Variants in EPB41L5 observed in about 807,000 individuals in gnomAD.
EPB41L5 encodes band 4.1-like protein 5.
EPB41L5 carries 55 observed loss-of-function variants against 106.6 expected under a neutral mutation model. The ratio of observed to expected loss-of-function variants is 0.52; its 90% confidence interval spans 0.42 to 0.65. The LOEUF is 0.65. Among genes scored for constraint, EPB41L5 ranks in the 30% least tolerant of loss-of-function variants. The pLI, the probability that EPB41L5 is intolerant of heterozygous loss-of-function variation, is 0.00. For missense variants in EPB41L5, 871 were observed against 882.1 expected (o/e 0.99, Z 0.16); for synonymous variants, 297 against 306.7 (o/e 0.97, Z 0.33).
At position 120,049,459 on chromosome 2, in the gene EPB41L5, G is replaced by A. The variant is rs931880015; in HGVS notation, c.285+7349G>A. ...TTTGATCTTTGTTAGTTTCAAGTCT[G>A]TTTTATCAGAGAGTAGGATTGCAAC... On this transcript the variant is annotated intron_variant, in intron 3 of 24. Transcript: ENST00000263713. 8.5e-5 allele frequency among the ~76,000 whole-genome samples: 13 copies of A among 152,174 alleles called. No individual in the cohort carries two copies. In the East Asian group the frequency reaches 2.5e-3, roughly 29 times the overall value.
intron 16 of EPB41L5, among the ~76,000 whole-genome samples, 186 bp downstream of exon 16, chr2:120,101,000 T>G (rs757816833): frequency 2.3e-4 from 35 of 152,226 alleles, no homozygotes; most frequent in Admixed American, 7.2e-4. Flanking sequence ...ATAAAGGGAG[T>G]GCAGTTGTCT....
intron 10 of EPB41L5, among the ~76,000 whole-genome samples, chr2:120,085,531 C>T (rs1473203030): frequency 6.6e-6 from 1 of 152,200 alleles, no homozygotes; most frequent in Admixed American, 6.5e-5. Context: ...TGGAGGGTGC[C>T]TCCCAGTTAG....
chr2:120,033,673 A>T (rs1314902290), intron 2 of EPB41L5, among the ~76,000 whole-genome samples: 1 of 143,356 alleles, frequency 7.0e-6, no homozygotes. Context: ...ACGCCACTGC[A>T]CTCCAGCCCA....
At chr2:120,109,946 T>G (rs1414523184) in intron 16 of EPB41L5, among the ~76,000 whole-genome samples, 1 of 152,204 alleles carries the variant, frequency 6.6e-6, no homozygotes, top group Non-Finnish European at 1.5e-5. Context: ...GTTCACATAA[T>G]TTATGACAGT....
intron 18 of EPB41L5, among the ~76,000 whole-genome samples, chr2:120,140,133 G>A (rs956302907): frequency 7.2e-5 from 11 of 151,914 alleles, no homozygotes; most frequent in Non-Finnish European, 1.0e-4. Context: ...GGAGATAGAT[G>A]GTTACCAGAT....
At chr2:120,094,041 G>C (rs1376195902) in intron 14 of EPB41L5, among the ~76,000 whole-genome samples, 2 of 152,112 alleles carry the variant, frequency 1.3e-5, no homozygotes, top group African/African-American at 4.8e-5. Flanking sequence ...CAGTACAGCA[G>C]CTTGAGCATG....
intron 24 of EPB41L5, among the ~76,000 whole-genome samples, chr2:120,169,803 A>C (rs1687588932): frequency 6.6e-6 from 1 of 152,242 alleles, no homozygotes; most frequent in African/African-American, 2.4e-5. Context: ...TAAGCATTCT[A>C]GACAGTGTGC....
At chr2:120,027,357 C>T (rs984274249) in intron 2 of EPB41L5, among the ~76,000 whole-genome samples, 21 of 152,058 alleles carry the variant, frequency 1.4e-4, no homozygotes, top group African/African-American at 4.8e-4. Flanking sequence ...GTTATTTAGC[C>T]ATAAAGGAAA....
chr2:120,125,825 CTGAACTT>C, intron 16 of EPB41L5, among the ~76,000 whole-genome samples: 1 of 152,158 alleles, frequency 6.6e-6, no homozygotes, highest in African/African-American at 2.4e-5. Context: ...GTACCACAAA[CTGAACTT>C]TGTCTCAGTA....
intron 16 of EPB41L5, among the ~76,000 whole-genome samples, chr2:120,116,109 C>T (rs751790217): frequency 9.9e-5 from 15 of 152,232 alleles, no homozygotes; most frequent in Non-Finnish European, 1.9e-4. Flanking sequence ...TACTGCCCAG[C>T]CTACAATTAA....
intron 16 of EPB41L5, among the ~76,000 whole-genome samples, chr2:120,125,337 G>A (rs934565809): frequency 1.3e-5 from 2 of 152,078 alleles, no homozygotes; most frequent in African/African-American, 2.4e-5. Flanking sequence ...TCCAACTGCC[G>A]GCCTTTTCCC....
intron 6 of EPB41L5, 83 bp from the exon 7 acceptor site, chr2:120,075,618 C>G: frequency 7.0e-7 from 1 of 1,419,110 alleles, no homozygotes; most frequent in Non-Finnish European, 9.9e-7. Context: ...AAATGGTCAA[C>G]ATAAAACATG....
At chr2:120,018,781 TG>T (rs1435619923) in intron 1 of EPB41L5, among the ~76,000 whole-genome samples, 1 of 152,120 alleles carries the variant, frequency 6.6e-6, no homozygotes, top group Non-Finnish European at 1.5e-5. Context: ...CTCAAGTAGC[TG>T]GGACCACAGG....
rs1685520059 is a variant in EPB41L5 at position 120,127,733 on chromosome 2, A to G, written c.1383A>G (p.Glu461=). The change falls in exon 17 of 25, where the codon GAA becomes GAG. Residue 461 remains glutamate, a synonymous_variant. Transcript: ENST00000263713. ...TGCTGAATAGCCCAGACTTATTGGA[A>G]GCAACGATTGGTGATGTAATTGGGG... ...IDLLNSPDLL[E]ATIGDVIGAS... 2 of 1,613,562 alleles carry G rather than the reference A, an allele frequency of 1.2e-6. No homozygotes were observed. Among genetic ancestry groups the G allele is most frequent in the Non-Finnish European group, 1.7e-6 (2 of 1,179,708 alleles).
Position 120,164,902 on chromosome 2 carries a change from G to C in EPB41L5, c.1954G>C (p.Ala652Pro). The change falls in exon 22 of 25, where the codon GCA (alanine) becomes CCA (proline). Residue 652 changes from alanine to proline, a missense_variant. Transcript: ENST00000263713. ...TGAGAATCTAATTGATCACACAGTT[G>C]CACCTCAGGTAAATATGCTTTAAAA... Reference protein sequence around the residue: ...LTENLIDHTVAPQVSSTSMIT... With the variant: ...LTENLIDHTVPPQVSSTSMIT... 1 of 1,608,044 alleles carries C rather than the reference G, an allele frequency of 6.2e-7. No homozygotes were observed. The highest frequency in any genetic ancestry group is 8.5e-7 in the Non-Finnish European group (1 of 1,176,464).
intron 1 of EPB41L5, among the ~76,000 whole-genome samples, chr2:120,015,438 A>G (rs959978428): frequency 2.6e-5 from 4 of 151,634 alleles, no homozygotes; most frequent in Admixed American, 1.3e-4. Context: ...GACATGAGCC[A>G]CTGTACCCAG....
rs1346966446 is a variant in EPB41L5, at chr2:120,146,308, T to G, written c.1793+19T>G. The G allele has an allele frequency of 2.6e-6, 4 of 1,555,336 alleles. No individual in the cohort carries two copies. The highest frequency in any genetic ancestry group is 1.7e-5 in the Admixed American group (1 of 57,778). ...CAAACAGGTACAGTTCTGGGTAGAC[T>G]GAATTAAATTGATGTTCTTATCTAT... On this transcript the variant is annotated intron_variant, in intron 20 of 24. Transcript: ENST00000263713.
chr2:120,144,987 C>T (rs1686336598), intron 19 of EPB41L5, among the ~76,000 whole-genome samples: 1 of 152,182 alleles, frequency 6.6e-6, no homozygotes, highest in African/African-American at 2.4e-5. Flanking sequence ...AAGAATGAAA[C>T]TCCTTCACTT....
intron 2 of EPB41L5, among the ~76,000 whole-genome samples, chr2:120,022,645 A>C (rs762922356): frequency 6.6e-6 from 1 of 152,156 alleles, no homozygotes; most frequent in Non-Finnish European, 1.5e-5. Context: ...GTAATCATAC[A>C]TGTGCATGTG....
Sources: allele counts gnomAD v4.1 joint callset (sites outside exome capture counted in the v4.1 genomes callset), GRCh38; gene constraint gnomAD v4.1.1; transcripts MANE v1.5; gene names NCBI Gene and HGNC (gene_info 2026-07-23, HGNC 2026-07-21).